ZFYVE9: variants seen among roughly 807,000 people sequenced by gnomAD.
The protein encoded by ZFYVE9 is zinc finger FYVE domain-containing protein 9.
In ZFYVE9, 43 loss-of-function variants were observed where a neutral mutation model predicts 126.7. The ratio of observed to expected loss-of-function variants is 0.34; its 90% CI spans 0.27 to 0.44. The LOEUF is 0.44. Ranked by LOEUF, ZFYVE9 falls within the 20% of genes least tolerant of loss-of-function variation. The pLI is 1.00. For missense variants in ZFYVE9, 1,476 were observed against 1,697.0 expected, an observed-to-expected ratio of 0.87 and a Z score of 2.29; for synonymous variants, 521 against 597.4, an observed-to-expected ratio of 0.87 and a Z score of 1.87.
chr1:52,271,591 C>T (rs999748104), intron 7 of ZFYVE9, among the ~76,000 whole-genome samples: 9 of 152,094 alleles, frequency 5.9e-5, no homozygotes, highest in Non-Finnish European at 4.4e-5. Flanking sequence ...TAAGTAGAGA[C>T]CAACTGACCA....
chr1:52,176,582 C>T (rs1271312811), intron 1 of ZFYVE9, among the ~76,000 whole-genome samples: 1 of 152,118 alleles, frequency 6.6e-6, no homozygotes, highest in African/African-American at 2.4e-5. Context: ...TTGTCTGTGC[C>T]CTGCCCCCAG....
chr1:52,278,996 C>T (rs1175658568), intron 9 of ZFYVE9, among the ~76,000 whole-genome samples: 2 of 152,068 alleles, frequency 1.3e-5, no homozygotes, highest in African/African-American at 2.4e-5. Flanking sequence ...GCCTCAGCCT[C>T]CCTAAGTGCT....
At chr1:52,266,904 C>T (rs1645639343) in intron 6 of ZFYVE9, 73 bp downstream of exon 6, 1 of 1,379,346 alleles carries the variant, frequency 7.2e-7, no homozygotes, top group South Asian at 1.6e-5. Context: ...TATGACTTTA[C>T]AGCACAAGTC....
Position 52,268,621 on chromosome 1 carries a change from C to T in ZFYVE9, c.2614C>T (p.Leu872=), listed in dbSNP as rs1258144514. The T allele has an allele frequency of 6.2e-7, 1 of 1,613,730 alleles. No homozygotes were observed. Among genetic ancestry groups the T allele is most frequent in the Non-Finnish European group, 8.5e-7 (1 of 1,179,752 alleles). Residue 872 remains leucine (L), a synonymous_variant, in exon 7 of 19, where the codon CTA becomes TTA. Coordinates refer to ENST00000287727, the MANE Select transcript of ZFYVE9 (RefSeq NM_004799.4). ...DPVKPVTTSP[L]PAETDICLFS... Reference sequence around the variant, plus strand: ...AGTCAAGCCAGTAACTACCAGTCCTCTACCAGCAGAGGTAAGAAAACAAAA... The same window carrying T: ...AGTCAAGCCAGTAACTACCAGTCCTTTACCAGCAGAGGTAAGAAAACAAAA...
intron 2 of ZFYVE9, among the ~76,000 whole-genome samples, chr1:52,226,616 C>T (rs936486207): frequency 5.3e-5 from 8 of 152,210 alleles, no homozygotes; most frequent in Non-Finnish European, 1.2e-4. Flanking sequence ...CCCTTACTAT[C>T]TGCCTAAGTG....
rs545237862 is a variant in ZFYVE9, at chr1:52,167,092, T to A, written c.-143+24689T>A. Among the ~76,000 whole-genome samples, 5 of 152,320 alleles carry A rather than the reference T, an allele frequency of 3.3e-5. No individual in the cohort carries two copies. In the East Asian group the frequency reaches 7.7e-4, roughly 23 times the overall value. On this transcript the variant is annotated intron_variant, in intron 1 of 18. Coordinates refer to ENST00000287727, the MANE Select transcript of ZFYVE9 (RefSeq NM_004799.4). ...AAAGAAATGTCTGCTTCATTAAAGT[T>A]GCATATTAATACAAACACATGGTAT...
intron 2 of ZFYVE9, among the ~76,000 whole-genome samples, chr1:52,222,583 G>A (rs975331757): frequency 6.6e-6 from 1 of 152,140 alleles, no homozygotes; most frequent in Non-Finnish European, 1.5e-5. Context: ...TGTTATAAGG[G>A]GGCATACAGG....
rs191385203 is a variant in ZFYVE9, at chr1:52,175,972, G to A, written c.-143+33569G>A. Among the ~76,000 whole-genome samples the A allele has an allele frequency of 7.2e-5, 11 of 152,158 alleles. 1 individual carries two copies. The highest frequency in any genetic ancestry group is 5.8e-4 in the East Asian group (3 of 5,168). Reference sequence around the variant, plus strand: ...TCCTGTAGCTTGGAGTAGTTTGATCGTCTGAAGCCTTCTTCTCTCAGCTCG... The same window carrying A: ...TCCTGTAGCTTGGAGTAGTTTGATCATCTGAAGCCTTCTTCTCTCAGCTCG... On this transcript the variant is annotated intron_variant, in intron 1 of 18. Transcript: ENST00000287727.
At chr1:52,149,576 A>C (rs1644335376) in intron 1 of ZFYVE9, among the ~76,000 whole-genome samples, 1 of 152,198 alleles carries the variant, frequency 6.6e-6, no homozygotes, top group Admixed American at 6.5e-5. Context: ...TATAAATACA[A>C]ATGTCATTGT....
At chr1:52,322,950 G>A (rs1175097048) in intron 13 of ZFYVE9, among the ~76,000 whole-genome samples, 1 of 151,928 alleles carries the variant, frequency 6.6e-6, no homozygotes, top group African/African-American at 2.4e-5. Flanking sequence ...GACTATAGGC[G>A]CCTGCCACCG....
intron 4 of ZFYVE9, among the ~76,000 whole-genome samples, chr1:52,240,922 A>G (rs1291343527): frequency 6.6e-6 from 1 of 152,184 alleles, no homozygotes; most frequent in African/African-American, 2.4e-5. Flanking sequence ...GCCTGAAAAA[A>G]AGTGGGATTC....
rs551755638 is a variant in ZFYVE9 at position 52,232,203 on chromosome 1, G to T, written c.-36-968G>T. On this transcript the variant is annotated intron_variant, in intron 2 of 18. Transcript: ENST00000287727. ...CTGTATTATATCAATAAGAAGCCAA[G>T]CAGAATTTTCAGTTTGGAAAGAAAA... Among the ~76,000 whole-genome samples, 28 of 152,226 alleles carry T rather than the reference G, an allele frequency of 1.8e-4. No homozygotes were observed. In the South Asian group the frequency reaches 5.6e-3, roughly 30 times the overall value.
intron 1 of ZFYVE9, among the ~76,000 whole-genome samples, chr1:52,206,975 A>G (rs1644984395): frequency 1.3e-5 from 2 of 152,218 alleles, no homozygotes; most frequent in Admixed American, 1.3e-4. Flanking sequence ...AATTATATAT[A>G]TGTATGTAGG....
Position 52,239,185 on chromosome 1 carries a change from C to A in ZFYVE9, c.1768C>A (p.Gln590Lys). The change falls in exon 4 of 19, where the codon CAA becomes AAA. Residue 590 changes from glutamine (Q) to lysine (K), a missense_variant. Physicochemically the swap from Gln to Lys is moderately conservative, Grantham distance 53 (BLOSUM62 1). Around this residue, in one of 2 missense-constraint regions of ZFYVE9, gnomAD observed 807 missense variants for 794.6 expected, o/e 1.02. Coordinates refer to ENST00000287727, the MANE Select transcript of ZFYVE9 (RefSeq NM_004799.4). ...RPKQPSNLKL[Q>K]IPKPLSDHLQ... ...CAAGCAACCTTCTAATCTTAAACTT[C>A]AAATTCCAAAGCCATTATCAGACCA... 1.2e-6 allele frequency: 2 copies of A among 1,614,078 alleles called. No individual in the cohort carries two copies. The highest frequency in any genetic ancestry group is 1.7e-6 in the Non-Finnish European group (2 of 1,180,012).
chr1:52,285,275 G>T (rs1477161405), intron 10 of ZFYVE9, among the ~76,000 whole-genome samples: 1 of 152,084 alleles, frequency 6.6e-6, no homozygotes, highest in African/African-American at 2.4e-5. Flanking sequence ...GTAATAGCTT[G>T]ATATATTTCA....
intron 1 of ZFYVE9, among the ~76,000 whole-genome samples, chr1:52,145,939 A>G (rs893021687): frequency 3.9e-5 from 6 of 151,964 alleles, no homozygotes; most frequent in Admixed American, 2.6e-4. Flanking sequence ...TTACTTGTGT[A>G]TACTTGACCT....
chr1:52,274,427 C>T, intron 7 of ZFYVE9, 37 bp from the exon 8 acceptor site: 1 of 1,557,374 alleles, frequency 6.4e-7, no homozygotes, highest in South Asian at 1.2e-5. Flanking sequence ...GTCTTGAATT[C>T]TCTGTAGTGC....
intron 13 of ZFYVE9, among the ~76,000 whole-genome samples, chr1:52,312,670 G>C (rs1450112814): frequency 6.6e-6 from 1 of 152,200 alleles, no homozygotes; most frequent in Non-Finnish European, 1.5e-5. Context: ...ATAGATTCCA[G>C]GGTGTCTCTA....
chr1:52,286,062 A>G (rs1569672339), intron 10 of ZFYVE9, among the ~76,000 whole-genome samples: 1 of 152,112 alleles, frequency 6.6e-6, no homozygotes, highest in African/African-American at 2.4e-5. Flanking sequence ...AGGCTGAGGC[A>G]GGAGAATTGC....
Sources: gnomAD v4.1 joint callset for allele counts (sites outside exome capture counted in the v4.1 genomes callset) on GRCh38, gnomAD v4.1.1 for gene constraint, gnomAD v4.1.1 regional missense constraint, MANE v1.5 for transcripts, NCBI Gene and HGNC (gene_info 2026-07-23, HGNC 2026-07-21) for gene names.